Variants in EXT1 observed in about 807,000 individuals in gnomAD.
The protein encoded by EXT1 is exostosin glycosyltransferase 1.
In EXT1, 20 loss-of-function variants were observed where a neutral mutation model predicts 82.5. The ratio of observed to expected loss-of-function variants is 0.24; its 90% CI spans 0.17 to 0.35. EXT1 has a LOEUF of 0.35. Ranked by LOEUF, EXT1 falls within the 10% of genes least tolerant of loss-of-function variation. The pLI is 1.00. For missense variants in EXT1, 757 were observed against 936.5 expected (o/e 0.81, Z 2.50); for synonymous variants, 348 against 350.8 (o/e 0.99, Z 0.09).
At chr8:117,801,759 G>A (rs1232276164) in intron 10 of EXT1, among the ~76,000 whole-genome samples, 1 of 152,096 alleles carries the variant, frequency 6.6e-6, no homozygotes, top group African/African-American at 2.4e-5. Flanking sequence ...ACCTGCTCTG[G>A]CCTCCCAAAA....
At chr8:118,091,690 A>C (rs527268551) in intron 1 of EXT1, among the ~76,000 whole-genome samples, 11 of 152,310 alleles carry the variant, frequency 7.2e-5, no homozygotes, top group African/African-American at 2.6e-4. Flanking sequence ...GCTTGCAATG[A>C]GCCAAGATCG....
rs1211608131 is a variant in EXT1 at position 117,797,229 on chromosome 8, C to A, written c.*2483G>T. 6.6e-6 allele frequency: 1 copy of A among 152,218 alleles called. No individual in the cohort carries two copies. Among genetic ancestry groups the A allele is most frequent in the Non-Finnish European group, 1.5e-5 (1 of 68,042 alleles). The allele number at this position is 152,218 out of a possible 1,614,324, so 9.4% of individuals were successfully genotyped here. On this transcript the variant is annotated 3_prime_UTR_variant, in exon 11 of 11. Coordinates refer to ENST00000378204, the MANE Select transcript of EXT1 (RefSeq NM_000127.3). ...TGTTAAGCATTGTTCTATTCCCAGCCTTATATTCCAAATGGGAGAAGAACA... is the reference window on the plus strand; with the variant it reads ...TGTTAAGCATTGTTCTATTCCCAGCATTATATTCCAAATGGGAGAAGAACA...
intron 1 of EXT1, among the ~76,000 whole-genome samples, chr8:117,870,281 A>T (rs1812845971): frequency 6.6e-6 from 1 of 152,228 alleles, no homozygotes; most frequent in South Asian, 2.1e-4. Context: ...ATTAAAACAC[A>T]TCTCCCACCA....
At position 117,869,212 on chromosome 8, in the gene EXT1, A is replaced by G. The variant is rs908349724; in HGVS notation, c.963-32011T>C. ...CCTGCCCAAGCCTGCCTCCATATCC[A>G]CCATGAGGAAGAATTTAATGAAAGA... On this transcript the variant is annotated intron_variant, in intron 1 of 10. Coordinates refer to ENST00000378204, the MANE Select transcript of EXT1 (RefSeq NM_000127.3). Among the ~76,000 whole-genome samples the G allele has an allele frequency of 2.7e-4, 41 of 152,242 alleles. 1 individual carries two copies. The highest frequency in any genetic ancestry group is 2.4e-3 in the Admixed American group (36 of 15,292).
At chr8:117,812,807 C>T in intron 8 of EXT1, 65 bp downstream of exon 8, 1 of 1,367,176 alleles carries the variant, frequency 7.3e-7, no homozygotes, top group Non-Finnish European at 1.0e-6. Context: ...GAAGCATTAG[C>T]ATCGTGCAAC....
chr8:118,090,355 G>C lies in EXT1; in HGVS notation c.962+19730C>G, dbSNP rs992223334. Among the ~76,000 whole-genome samples the C allele has an allele frequency of 3.3e-5, 5 of 152,098 alleles. No individual in the cohort carries two copies. The South Asian group carries it at 1.0e-3, about 32-fold the overall frequency. On this transcript the variant is annotated intron_variant, in intron 1 of 10. Transcript: ENST00000378204. The stretch of plus-strand genomic sequence containing the variant: ...GGATTGCTTGACCCTGGGAAGTCAA[G>C]GCTGCAGTGAGCCATGACAGTGCCA...
intron 1 of EXT1, among the ~76,000 whole-genome samples, chr8:117,881,265 G>A (rs1480451651): frequency 6.6e-6 from 1 of 152,114 alleles, no homozygotes; most frequent in Non-Finnish European, 1.5e-5. Flanking sequence ...CAATAGAAAT[G>A]GTGAGGCCTA....
intron 1 of EXT1, among the ~76,000 whole-genome samples, chr8:118,062,481 C>T (rs1316644872): frequency 6.6e-6 from 1 of 152,106 alleles, no homozygotes; most frequent in Non-Finnish European, 1.5e-5. Context: ...CAAGACTCCA[C>T]AAAGTGAGAG....
chr8:117,954,092 T>C (rs995708524), intron 1 of EXT1, among the ~76,000 whole-genome samples: 1 of 152,182 alleles, frequency 6.6e-6, no homozygotes, highest in South Asian at 2.1e-4. Context: ...AGTAATCCAT[T>C]TCTGGTCTTG....
At chr8:117,944,940 A>C (rs1309248279) in intron 1 of EXT1, among the ~76,000 whole-genome samples, 3 of 152,162 alleles carry the variant, frequency 2.0e-5, no homozygotes, top group Non-Finnish European at 4.4e-5. Flanking sequence ...AGGCGGGCGG[A>C]TCACGAGGTC....
intron 1 of EXT1, among the ~76,000 whole-genome samples, chr8:117,892,847 A>C (rs1440847662): frequency 6.6e-6 from 1 of 152,262 alleles, no homozygotes; most frequent in East Asian, 1.9e-4. Context: ...GAGAAAGAAA[A>C]GAGTCAAGGA....
chr8:118,038,568 G>C (rs1207745103), intron 1 of EXT1, among the ~76,000 whole-genome samples: 2 of 152,158 alleles, frequency 1.3e-5, no homozygotes, highest in Non-Finnish European at 2.9e-5. Context: ...AGCTGTATCT[G>C]TTGAGGACCT....
chr8:117,832,578 A>G (rs1812120668), intron 3 of EXT1, among the ~76,000 whole-genome samples: 1 of 152,142 alleles, frequency 6.6e-6, no homozygotes, highest in Admixed American at 6.5e-5. Flanking sequence ...ATTGCTATAT[A>G]GTCTCCAGAA....
intron 1 of EXT1, among the ~76,000 whole-genome samples, chr8:118,106,353 T>C (rs1215175080): frequency 6.6e-6 from 1 of 152,198 alleles, no homozygotes; most frequent in African/African-American, 2.4e-5. Context: ...GGGGCCTGCA[T>C]TCTGGTGCTA....
chr8:117,975,974 T>C (rs1416637487), intron 1 of EXT1, among the ~76,000 whole-genome samples: 1 of 152,180 alleles, frequency 6.6e-6, no homozygotes, highest in Non-Finnish European at 1.5e-5. Flanking sequence ...AGAAGGCTAA[T>C]ACACAAAACA....
intron 1 of EXT1, among the ~76,000 whole-genome samples, chr8:117,913,570 G>A (rs1035809998): frequency 3.9e-5 from 6 of 152,126 alleles, no homozygotes; most frequent in Non-Finnish European, 7.4e-5. Context: ...CCAAGGAGAC[G>A]CTAACCCAGT....
intron 1 of EXT1, among the ~76,000 whole-genome samples, chr8:117,920,090 G>A (rs1813825858): frequency 6.6e-6 from 1 of 151,924 alleles, no homozygotes; most frequent in South Asian, 2.1e-4. Flanking sequence ...ACAGAAATGG[G>A]AAAATTCAAT....
In EXT1 at chr8:118,111,444, C is replaced by T. The variant is rs1817902407; in HGVS notation, c.-398G>A. ...TGATTGCCTTGCCTCTCGGATTCCT[C>T]TCGGCAGCGTGGAAAATGAGCCCCG... On this transcript the variant is annotated 5_prime_UTR_variant, in exon 1 of 11. Transcript: ENST00000378204. The T allele has an allele frequency of 5.8e-6, 3 of 520,552 alleles. No homozygotes were observed. Among genetic ancestry groups the T allele is most frequent in the Non-Finnish European group, 1.0e-5 (3 of 297,652 alleles). The allele number at this position is 520,552 out of a possible 1,614,324, so 32.2% of individuals were successfully genotyped here. A position where few individuals can be genotyped will look rare whatever the true frequency, so the allele number is the denominator to read the frequency against.
intron 1 of EXT1, among the ~76,000 whole-genome samples, chr8:118,027,166 A>G (rs1167929420): frequency 1.3e-5 from 2 of 152,222 alleles, no homozygotes; most frequent in Non-Finnish European, 2.9e-5. Flanking sequence ...AGCACTACTC[A>G]GGGTTAGTGT....
Sources: gnomAD v4.1 joint callset for allele counts (sites outside exome capture counted in the v4.1 genomes callset) on GRCh38, gnomAD v4.1.1 for gene constraint, MANE v1.5 for transcripts, NCBI Gene and HGNC (gene_info 2026-07-23, HGNC 2026-07-21) for gene names.